Variants in PHF21B observed in about 807,000 individuals in gnomAD.
PHF21B encodes the protein PHD finger protein 21B, also known as PHD finger protein 4.
A neutral mutation model predicts 62.2 loss-of-function variants in PHF21B; 22 were observed. The observed-to-expected ratio is 0.35, with a 90% CI of 0.25 to 0.51. PHF21B has a LOEUF of 0.51. Among genes scored for constraint, PHF21B ranks in the 20% least tolerant of loss-of-function variants. PHF21B has a pLI of 0.97. For synonymous variants in PHF21B, 341 were observed against 314.7 expected (o/e 1.08, Z -0.88); for missense variants, 701 against 707.9 (o/e 0.99, Z 0.11).
chr22:44,951,595 G>A (rs576051510), intron 2 of PHF21B, among the ~76,000 whole-genome samples: 8 of 152,340 alleles, frequency 5.3e-5, no homozygotes, highest in African/African-American at 1.9e-4. Context: ...CCTGTGAGAT[G>A]CATGAAAGCT....
At chr22:44,996,741 A>C (rs536549237) in intron 2 of PHF21B, among the ~76,000 whole-genome samples, 55 of 151,756 alleles carry the variant, frequency 3.6e-4, no homozygotes, top group African/African-American at 1.3e-3. Context: ...AACACACACA[A>C]ACACCCACAT....
chr22:44,978,953 C>T (rs2072788299), intron 2 of PHF21B, among the ~76,000 whole-genome samples: 1 of 152,218 alleles, frequency 6.6e-6, no homozygotes. Flanking sequence ...GGAGAAAACG[C>T]AGGACAGGGC....
chr22:44,968,584 C>T (rs1337429294), intron 2 of PHF21B, among the ~76,000 whole-genome samples: 1 of 139,970 alleles, frequency 7.1e-6, no homozygotes, highest in African/African-American at 2.7e-5. Context: ...GCAGAGGTTG[C>T]AGTGAACTGA....
chr22:44,986,945 A>T (rs2072961393), intron 2 of PHF21B, among the ~76,000 whole-genome samples: 1 of 151,958 alleles, frequency 6.6e-6, no homozygotes, highest in South Asian at 2.1e-4. Context: ...GAAAGGGCAG[A>T]TGCAGGTGGG....
At chr22:44,963,199 G>T (rs1055232640) in intron 2 of PHF21B, among the ~76,000 whole-genome samples, 3 of 152,214 alleles carry the variant, frequency 2.0e-5, no homozygotes, top group Admixed American at 6.5e-5. Flanking sequence ...CTCATGGTAG[G>T]CCTGGCCTGG....
chr22:44,940,616 T>G (rs1328970365), intron 2 of PHF21B, among the ~76,000 whole-genome samples: 7 of 152,010 alleles, frequency 4.6e-5, no homozygotes, highest in Non-Finnish European at 8.8e-5. Context: ...GGGGAGAGGA[T>G]AAGAGAACAC....
At chr22:44,952,292 G>A (rs113023591) in intron 2 of PHF21B, among the ~76,000 whole-genome samples, 10,131 of 152,256 alleles carry the variant, frequency 0.067, 400 homozygotes, top group Middle Eastern at 0.14. Context: ...GCAGTGAGCC[G>A]AGATCGCACC....
chr22:44,889,079 C>T (rs1036518970), intron 9 of PHF21B, among the ~76,000 whole-genome samples: 4 of 152,216 alleles, frequency 2.6e-5, no homozygotes, highest in Admixed American at 6.5e-5. Context: ...ACAGCCTAAC[C>T]GGAGCTGACT....
At position 44,967,569 on chromosome 22, in the gene PHF21B, T is replaced by A. The variant is rs145269564; in HGVS notation, c.120+40976A>T. The stretch of plus-strand genomic sequence containing the variant: ...AATTTTATTCCAGAATAGTTTTTGA[T>A]TACGGAAAAGTTATGAAGATATAGC... On this transcript the variant is annotated intron_variant, in intron 2 of 12. Coordinates refer to ENST00000313237, the MANE Select transcript of PHF21B (RefSeq NM_138415.5). Among the ~76,000 whole-genome samples, 3 of 152,308 alleles carry A rather than the reference T, an allele frequency of 2.0e-5. No individual in the cohort carries two copies. The East Asian group carries it at 5.8e-4, about 29-fold the overall frequency.
intron 3 of PHF21B, among the ~76,000 whole-genome samples, chr22:44,918,072 A>T (rs909950286): frequency 1.3e-5 from 2 of 152,216 alleles, no homozygotes; most frequent in African/African-American, 4.8e-5. Flanking sequence ...TTGTCCCCCA[A>T]TGCCAGGCTT....
intron 11 of PHF21B, 104 bp downstream of exon 11, chr22:44,885,759 G>T: frequency 7.9e-7 from 1 of 1,259,166 alleles, no homozygotes. Flanking sequence ...GGCCCTGAAG[G>T]GAATGGACCC....
chr22:44,944,993 A>G (rs2072037085), intron 2 of PHF21B, among the ~76,000 whole-genome samples: 1 of 114,714 alleles, frequency 8.7e-6, no homozygotes, highest in Non-Finnish European at 1.8e-5. Context: ...TTAGGAGCAC[A>G]TGAGATTCCT....
At chr22:44,904,720 T>C (rs1219510414) in intron 5 of PHF21B, among the ~76,000 whole-genome samples, 1 of 132,730 alleles carries the variant, frequency 7.5e-6, no homozygotes, top group Middle Eastern at 3.7e-3. Context: ...CCAGGAGTGG[T>C]GTAGGGGACT....
chr22:44,889,183 G>A (rs1164472966), intron 9 of PHF21B, among the ~76,000 whole-genome samples: 1 of 150,282 alleles, frequency 6.7e-6, no homozygotes, highest in Non-Finnish European at 1.5e-5. Context: ...ATTCAGTGAA[G>A]AAAAACACTG....
intron 2 of PHF21B, among the ~76,000 whole-genome samples, chr22:44,920,806 G>T (rs959618792): frequency 6.6e-6 from 1 of 152,156 alleles, no homozygotes. Flanking sequence ...TTTCACTTAA[G>T]GACAAGGTGT....
At chr22:44,983,358 C>T (rs1037320505) in intron 2 of PHF21B, among the ~76,000 whole-genome samples, 1 of 152,146 alleles carries the variant, frequency 6.6e-6, no homozygotes, top group African/African-American at 2.4e-5. Flanking sequence ...TGTTTGCTGC[C>T]GCTGGTGGCT....
Position 44,924,348 on chromosome 22 carries a change from C to A in PHF21B, c.121-3858G>T, listed in dbSNP as rs1333983858. Among the ~76,000 whole-genome samples the A allele has an allele frequency of 3.9e-5, 6 of 152,146 alleles. 1 individual carries two copies. Among genetic ancestry groups the A allele is most frequent in the Admixed American group, 2.6e-4 (4 of 15,266 alleles). On this transcript the variant is annotated intron_variant, in intron 2 of 12. Coordinates refer to ENST00000313237, the MANE Select transcript of PHF21B (RefSeq NM_138415.5). ...GCTGTCGGGAACATAAAATGATACG[C>A]TTTGAAAGACAGTTTGGCAGTTAAA...
chr22:44,917,675 CGTT>C (rs1478360946), intron 3 of PHF21B, among the ~76,000 whole-genome samples: 3 of 152,046 alleles, frequency 2.0e-5, no homozygotes, highest in African/African-American at 7.2e-5. Flanking sequence ...ATGCTACCGT[CGTT>C]ATCATTAGGG....
intron 2 of PHF21B, among the ~76,000 whole-genome samples, chr22:44,967,909 G>A (rs1052733132): frequency 3.9e-5 from 6 of 152,280 alleles, no homozygotes; most frequent in Middle Eastern, 3.4e-3. Context: ...CCTCTTAGTG[G>A]GATGTGTCTG....
Sources: gnomAD v4.1 joint callset for allele counts (sites outside exome capture counted in the v4.1 genomes callset) on GRCh38, gnomAD v4.1.1 for gene constraint, MANE v1.5 for transcripts, NCBI Gene and HGNC (gene_info 2026-07-23, HGNC 2026-07-21) for gene names.